MALRD1: variants seen among roughly 807,000 people sequenced by gnomAD.
MALRD1 encodes the protein MAM and LDL receptor class A domain containing 1.
In MALRD1, 247 loss-of-function variants were observed where a neutral mutation model predicts 242.1. The ratio of observed to expected loss-of-function variants is 1.02; its 90% CI spans 0.92 to 1.13. MALRD1 has a LOEUF of 1.13. MALRD1 is among the 50% of genes most tolerant of loss of function. The pLI is 0.00. For missense variants in MALRD1, 2,989 were observed against 2,533.1 expected, an observed-to-expected ratio of 1.18 and a Z score of -3.86; for synonymous variants, 995 against 866.6, an observed-to-expected ratio of 1.15 and a Z score of -2.60.
chr10:19,318,562 G>C (rs1842797226), intron 21 of MALRD1, among the ~76,000 whole-genome samples: 1 of 150,838 alleles, frequency 6.6e-6, no homozygotes, highest in South Asian at 2.1e-4. Context: ...ATTAATACAG[G>C]GACCTCTACT....
At chr10:19,111,777 A>G (rs766133442) in intron 5 of MALRD1, among the ~76,000 whole-genome samples, 1 of 152,228 alleles carries the variant, frequency 6.6e-6, no homozygotes, top group East Asian at 1.9e-4. Flanking sequence ...TTCTTTGAAG[A>G]TGAGGACACA....
chr10:19,686,210 G>A (rs1369143244), intron 36 of MALRD1, among the ~76,000 whole-genome samples: 1 of 152,072 alleles, frequency 6.6e-6, no homozygotes, highest in East Asian at 1.9e-4. Flanking sequence ...AGGGCCAAGA[G>A]GGAAACTTGA....
chr10:19,365,206 C>A (rs1179833875), intron 26 of MALRD1, among the ~76,000 whole-genome samples: 3 of 151,926 alleles, frequency 2.0e-5, no homozygotes, highest in African/African-American at 7.2e-5. Flanking sequence ...TTTTCCTACT[C>A]ATTTGTCTCT....
intron 7 of MALRD1, 56 bp downstream of exon 7, chr10:19,124,726 G>A (rs2131382186): frequency 8.2e-7 from 1 of 1,220,792 alleles, no homozygotes; most frequent in Non-Finnish European, 1.0e-6. Context: ...GCTTTATGGT[G>A]ACTAGTTATA....
chr10:19,066,279 A>G (rs1200788016), intron 1 of MALRD1, among the ~76,000 whole-genome samples: 1 of 152,190 alleles, frequency 6.6e-6, no homozygotes, highest in Non-Finnish European at 1.5e-5. Context: ...GAATCCAAAG[A>G]TGAGGAATCC....
intron 1 of MALRD1, among the ~76,000 whole-genome samples, chr10:19,062,058 C>A (rs556621667): frequency 6.7e-6 from 1 of 149,490 alleles, no homozygotes; most frequent in East Asian, 2.0e-4. Flanking sequence ...GTAAAAAGAA[C>A]GACAGCTCAA....
intron 36 of MALRD1, among the ~76,000 whole-genome samples, chr10:19,665,990 G>C (rs1237075604): frequency 2.6e-5 from 4 of 151,802 alleles, no homozygotes; most frequent in African/African-American, 9.7e-5. Context: ...ATGTTCACAA[G>C]TCAAATGGTC....
chr10:19,365,731 T>C (rs1339432174), intron 26 of MALRD1, among the ~76,000 whole-genome samples: 1 of 150,172 alleles, frequency 6.7e-6, no homozygotes, highest in African/African-American at 2.4e-5. Context: ...CTCATTCGAA[T>C]CTCTGTTGAG....
rs1259638539 is a variant in MALRD1, at chr10:19,335,966, G to A, written c.3901+4384G>A. On this transcript the variant is annotated intron_variant, in intron 24 of 39. Transcript: ENST00000454679. ...CTGTCCCTCCCCTAGCCCCCCACCC[G>A]CCGACAGCCAATAACAGACAGAGAG... is the stretch of plus-strand genomic sequence containing the variant. Among the ~76,000 whole-genome samples the A allele has an allele frequency of 1.3e-4, 19 of 148,920 alleles. No individual in the cohort carries two copies. In the South Asian group the frequency reaches 3.7e-3, roughly 29 times the overall value.
intron 28 of MALRD1, among the ~76,000 whole-genome samples, chr10:19,444,718 C>G (rs78433123): frequency 6.6e-6 from 1 of 152,148 alleles, no homozygotes; most frequent in Admixed American, 6.5e-5. Flanking sequence ...GTAACCCAAC[C>G]TTTCTCTCTG....
At chr10:19,252,007 A>G (rs1564503810) in intron 18 of MALRD1, among the ~76,000 whole-genome samples, 1 of 151,974 alleles carries the variant, frequency 6.6e-6, no homozygotes, top group African/African-American at 2.4e-5. Flanking sequence ...GAGGCCTCCC[A>G]AGCCATGCTT....
chr10:19,133,373 A>G (rs574090283), intron 8 of MALRD1, among the ~76,000 whole-genome samples: 2 of 152,356 alleles, frequency 1.3e-5, no homozygotes, highest in Admixed American at 6.5e-5. Context: ...AATTTGGACC[A>G]AATGTTTCCA....
chr10:19,048,829 C>A lies in MALRD1; in HGVS notation c.-110C>A. ...GTTGCAGATAGTTACCAATAGTATC[C>A]AGTTATAAGAAGCAAATCTGGGAAA... On this transcript the variant is annotated 5_prime_UTR_variant, in exon 1 of 40. Coordinates refer to ENST00000454679, the MANE Select transcript of MALRD1 (RefSeq NM_001142308.3). The A allele has an allele frequency of 1.3e-6, 1 of 795,862 alleles. No homozygotes were observed. The highest frequency in any genetic ancestry group is 1.7e-6 in the Non-Finnish European group (1 of 589,872). The allele number at this position is 795,862 out of a possible 1,614,324, so 49.3% of individuals were successfully genotyped here. A position where few individuals can be genotyped will look rare whatever the true frequency, so the allele number is the denominator to read the frequency against.
At chr10:19,724,284 A>G (rs892469445) in intron 38 of MALRD1, among the ~76,000 whole-genome samples, 1 of 152,248 alleles carries the variant, frequency 6.6e-6, no homozygotes, top group Non-Finnish European at 1.5e-5. Flanking sequence ...TGTAGTTAAC[A>G]TAAAGAAATT....
chr10:19,337,312 G>C (rs914231176), intron 24 of MALRD1, among the ~76,000 whole-genome samples: 1 of 152,134 alleles, frequency 6.6e-6, no homozygotes, highest in Non-Finnish European at 1.5e-5. Flanking sequence ...TCATGAAATG[G>C]AAGGATGGCA....
At chr10:19,240,441 G>T (rs915528976) in intron 18 of MALRD1, among the ~76,000 whole-genome samples, 1 of 151,938 alleles carries the variant, frequency 6.6e-6, no homozygotes, top group South Asian at 2.1e-4. Context: ...TAAAGAGAGA[G>T]AGATCATATA....
At chr10:19,193,692 T>C (rs578084536) in intron 14 of MALRD1, among the ~76,000 whole-genome samples, 1 of 152,338 alleles carries the variant, frequency 6.6e-6, no homozygotes, top group East Asian at 1.9e-4. Flanking sequence ...GAGAGCAGGT[T>C]ATCTTGGGTA....
intron 19 of MALRD1, among the ~76,000 whole-genome samples, chr10:19,273,275 C>G (rs1234016672): frequency 6.6e-6 from 1 of 152,124 alleles, no homozygotes. Flanking sequence ...AACAGGAATT[C>G]ACGTTCATTG....
intron 18 of MALRD1, among the ~76,000 whole-genome samples, chr10:19,226,411 G>T (rs1837803072): frequency 6.6e-6 from 1 of 152,092 alleles, no homozygotes; most frequent in African/African-American, 2.4e-5. Context: ...TTCTACATAA[G>T]ATTATGAAAA....
Sources: allele counts gnomAD v4.1 joint callset (sites outside exome capture counted in the v4.1 genomes callset), GRCh38; gene constraint gnomAD v4.1.1; transcripts MANE v1.5; gene names NCBI Gene and HGNC (gene_info 2026-07-23, HGNC 2026-07-21).